Variants in METTL13 observed in about 807,000 individuals in gnomAD.
The protein encoded by METTL13 is methyltransferase 13, eEF1A N-terminus and K55.
METTL13 carries 52 observed loss-of-function variants against 67.4 expected under a neutral mutation model. The observed-to-expected ratio is 0.77, with a 90% CI of 0.62 to 0.97. The LOEUF is 0.97. METTL13 is among the 50% of genes least tolerant of loss of function. The pLI, the probability that METTL13 is intolerant of heterozygous loss-of-function variation, is 0.00. For missense variants in METTL13, 825 were observed against 889.6 expected, an observed-to-expected ratio of 0.93 and a Z score of 0.92; for synonymous variants, 354 against 353.6, an observed-to-expected ratio of 1.00 and a Z score of -0.01.
chr1:171,794,653 T>G, intron 7 of METTL13, 126 bp downstream of exon 7: 1 of 1,338,892 alleles, frequency 7.5e-7, no homozygotes. Context: ...ACCCATTTAC[T>G]AGCACTAGAC....
At chr1:171,790,659 A>G (rs1657176139) in intron 5 of METTL13, 43 bp downstream of exon 5, 1 of 1,437,292 alleles carries the variant, frequency 7.0e-7, no homozygotes, top group African/African-American at 1.4e-5. Flanking sequence ...GAGCATAAAG[A>G]TTACAGACCT....
rs768223875 is a variant in METTL13, at chr1:171,784,233, C to T, written c.647C>T (p.Pro216Leu). 5 of 1,614,126 alleles carry T rather than the reference C, an allele frequency of 3.1e-6. No individual in the cohort carries two copies. Among genetic ancestry groups the T allele is most frequent in the Non-Finnish European group, 4.2e-6 (5 of 1,180,050 alleles). ...AFIMTKFRPVPGSALQIFELC... is the reference protein window; with the variant it reads ...AFIMTKFRPVLGSALQIFELC... ...ATCATGACCAAGTTCAGGCCAGTCC[C>T]TGGCTCTGCCCTTCAGATCTTTGAG... Residue 216 changes from proline to leucine, a missense_variant, in exon 2 of 8, where the codon CCT becomes CTT. Pro to Leu is a moderately conservative substitution (Grantham distance 98). Coordinates refer to ENST00000361735, the MANE Select transcript of METTL13 (RefSeq NM_015935.5).
At chr1:171,784,970 G>T (rs1344623198) in intron 2 of METTL13, among the ~76,000 whole-genome samples, 1 of 152,194 alleles carries the variant, frequency 6.6e-6, no homozygotes, top group Admixed American at 6.5e-5. Context: ...GCAGCATAGG[G>T]TAGCAGCTAA....
Position 171,782,056 on chromosome 1 carries a change from A to G in METTL13, c.89A>G (p.Glu30Gly). The G allele has an allele frequency of 6.2e-7, 1 of 1,614,090 alleles. No homozygotes were observed. Among genetic ancestry groups the G allele is most frequent in the Non-Finnish European group, 8.5e-7 (1 of 1,180,008 alleles). The change falls in exon 1 of 8, where the codon GAG becomes GGG. Residue 30 changes from glutamate (E) to glycine (G), a missense_variant. Glu to Gly is a moderately conservative substitution (Grantham distance 98). Transcript: ENST00000361735. ...FFQQRGKKAFEWYGTYLELCG... is the reference protein window; with the variant it reads ...FFQQRGKKAFGWYGTYLELCG... ...CAGCAGCGAGGAAAGAAAGCTTTCG[A>G]GTGGTATGGAACCTACCTGGAACTG...
intron 1 of METTL13, among the ~76,000 whole-genome samples, chr1:171,782,966 TATGTGC>T (rs1656876004): frequency 6.6e-6 from 1 of 152,160 alleles, no homozygotes; most frequent in Non-Finnish European, 1.5e-5. Flanking sequence ...GGGTGCTGTG[TATGTGC>T]ATGTGCAATC....
intron 4 of METTL13, among the ~76,000 whole-genome samples, chr1:171,788,680 C>T (rs1657105383): frequency 2.0e-5 from 3 of 152,172 alleles, no homozygotes; most frequent in African/African-American, 7.2e-5. Flanking sequence ...GATACTTGTT[C>T]ATTGAAATCA....
Position 171,785,970 on chromosome 1 carries a change from A to G in METTL13, c.1005A>G (p.Thr335=), listed in dbSNP as rs747201364. The change falls in exon 3 of 8, where the codon ACA becomes ACG. Residue 335 remains threonine, a synonymous_variant. Transcript: ENST00000361735. ...GTGCTGGCTTCAGGAGGTTGATTAC[A>G]GTGGCCCTTCACCGAGGTCAGCAGT... ...AASAGFRRLI[T]VALHRGQQYE... 6.2e-6 allele frequency: 10 copies of G among 1,613,820 alleles called. No individual in the cohort carries two copies. In the East Asian group the frequency reaches 1.6e-4, roughly 25 times the overall value.
intron 5 of METTL13, among the ~76,000 whole-genome samples, chr1:171,791,507 T>G (rs1657204303): frequency 1.3e-5 from 2 of 152,152 alleles, no homozygotes; most frequent in Admixed American, 6.5e-5. Flanking sequence ...AGACAGGGAT[T>G]TACTCTTGCC....
intron 1 of METTL13, 132 bp from the exon 2 acceptor site, chr1:171,783,608 C>T (rs1656897360): frequency 1.9e-6 from 2 of 1,054,178 alleles, no homozygotes; most frequent in South Asian, 3.3e-5. Flanking sequence ...CAATGTCGCT[C>T]TTTCTCTGGC....
rs2124905123 is a variant in METTL13, at chr1:171,792,180, G to T, written c.1638G>T (p.Lys546Asn). 6.2e-7 allele frequency: 1 copy of T among 1,614,242 alleles called. No individual in the cohort carries two copies. Among genetic ancestry groups the T allele is most frequent in the Non-Finnish European group, 8.5e-7 (1 of 1,180,042 alleles). ...WFGFSQSDRM[K>N]VHIADGLDYI... ...GCTTCTCCCAGAGTGACCGAATGAA[G>T]GTCCACATTGCAGATGGCCTGGACT... Residue 546 changes from lysine (K) to asparagine (N), a missense_variant, in exon 6 of 8, where the codon AAG (lysine) becomes AAT (asparagine). Physicochemically the swap from Lys to Asn is moderately conservative, Grantham distance 94 (BLOSUM62 0). Transcript: ENST00000361735.
In METTL13 at chr1:171,784,672, G is replaced by A. The variant is rs1361510927; in HGVS notation, c.913+173G>A. Reference sequence around the variant, plus strand: ...TTAGACTACCCAAGGCATGATGAAAGGAGAGTAATAGCTCTCTAGCAACCT... The same window carrying A: ...TTAGACTACCCAAGGCATGATGAAAAGAGAGTAATAGCTCTCTAGCAACCT... On this transcript the variant is annotated intron_variant, in intron 2 of 7. Transcript: ENST00000361735. Among the ~76,000 whole-genome samples, 4 of 152,204 alleles carry A rather than the reference G, an allele frequency of 2.6e-5. No homozygotes were observed. The South Asian group carries it at 8.3e-4, about 31-fold the overall frequency.
At position 171,792,137 on chromosome 1, in the gene METTL13, T is replaced by A. The variant is rs1363762536; in HGVS notation, c.1595T>A (p.Val532Glu). ...AVEIDPSMLE[V>E]ATQWFGFSQS... Reference sequence around the variant, plus strand: ...GAGATCGATCCCTCCATGTTGGAAGTGGCCACCCAGTGGTTTGGCTTCTCC... The same window carrying A: ...GAGATCGATCCCTCCATGTTGGAAGAGGCCACCCAGTGGTTTGGCTTCTCC... The change falls in exon 6 of 8, where the codon GTG becomes GAG. Residue 532 changes from valine to glutamate, a missense_variant. Val to Glu is a moderately radical substitution (Grantham distance 121). Transcript: ENST00000361735. The A allele has an allele frequency of 2.5e-6, 4 of 1,614,170 alleles. No individual in the cohort carries two copies. Among genetic ancestry groups the A allele is most frequent in the Non-Finnish European group, 1.7e-6 (2 of 1,180,032 alleles).
rs1571161406 is a variant in METTL13 at position 171,781,857 on chromosome 1, A to G, written c.-111A>G. 1 of 1,526,940 alleles carries G rather than the reference A, an allele frequency of 6.5e-7. No homozygotes were observed. Among genetic ancestry groups the G allele is most frequent in the African/African-American group, 1.4e-5 (1 of 72,124 alleles). The allele number at this position is 1,526,940 out of a possible 1,614,324, so 94.6% of individuals were successfully genotyped here. On this transcript the variant is annotated 5_prime_UTR_variant, in exon 1 of 8. Transcript: ENST00000361735. Reference sequence around the variant, plus strand: ...AATCAATGTGGCTGTTTTTCCGTGGAAAGAATTCCCACTGCAGTGTCCCGG... The same window carrying G: ...AATCAATGTGGCTGTTTTTCCGTGGGAAGAATTCCCACTGCAGTGTCCCGG...
chr1:171,793,616 C>A lies in METTL13; in HGVS notation c.1694-780C>A, dbSNP rs145797762. On this transcript the variant is annotated intron_variant, in intron 6 of 7. Transcript: ENST00000361735. ...TATTGAATAATTATGACCACAGTCT[C>A]AAAATTTTCTAAAAACCTGTCAGTG... is the stretch of plus-strand genomic sequence containing the variant. 3.3e-5 allele frequency among the ~76,000 whole-genome samples: 5 copies of A among 152,294 alleles called. No individual in the cohort carries two copies. In the East Asian group the frequency reaches 9.6e-4, roughly 29 times the overall value.
chr1:171,787,679 T>C, intron 3 of METTL13, 56 bp from the exon 4 acceptor site: 1 of 1,514,774 alleles, frequency 6.6e-7, no homozygotes, highest in South Asian at 1.2e-5. Flanking sequence ...GGTTATAATT[T>C]CTCTTATTTC....
Position 171,787,819 on chromosome 1 carries a change from A to T in METTL13, c.1198A>T (p.Ile400Phe). ...DCSPLSGDYV[I>F]EDVQGDDKRY... is the part of the protein sequence containing the mutation. ...CAGCCCCTTGAGCGGTGACTATGTC[A>T]TTGAGGATGTGCAAGGGGATGACAA... The change falls in exon 4 of 8, where the codon ATT (isoleucine) becomes TTT (phenylalanine). Residue 400 changes from isoleucine (I) to phenylalanine (F), a missense_variant. By Grantham distance (21) the Ile-to-Phe change is conservative (BLOSUM62 0). Transcript: ENST00000361735. The T allele has an allele frequency of 6.2e-7, 1 of 1,614,114 alleles. No individual in the cohort carries two copies. Among genetic ancestry groups the T allele is most frequent in the Non-Finnish European group, 8.5e-7 (1 of 1,180,014 alleles).
At chr1:171,791,579 C>T (rs918199439) in intron 5 of METTL13, among the ~76,000 whole-genome samples, 2 of 152,066 alleles carry the variant, frequency 1.3e-5, no homozygotes, top group Admixed American at 6.5e-5. Context: ...TAGGCTCCCA[C>T]GTCAGCTTAC....
At chr1:171,793,990 C>T (rs1431474872) in intron 6 of METTL13, among the ~76,000 whole-genome samples, 1 of 152,192 alleles carries the variant, frequency 6.6e-6, no homozygotes, top group East Asian at 1.9e-4. Flanking sequence ...CCATCTGCCC[C>T]CTACTACCCC....
chr1:171,794,592 ATG>A, intron 7 of METTL13, 65 bp downstream of exon 7: 1 of 1,605,232 alleles, frequency 6.2e-7, no homozygotes, highest in Non-Finnish European at 8.5e-7. Flanking sequence ...TATCTTTTTA[ATG>A]AAAAATGCAC....
Sources: gnomAD v4.1 joint callset for allele counts (sites outside exome capture counted in the v4.1 genomes callset) on GRCh38, gnomAD v4.1.1 for gene constraint, MANE v1.5 for transcripts, NCBI Gene and HGNC (gene_info 2026-07-23, HGNC 2026-07-21) for gene names.